The following ADGRG2 variants were observed in gnomAD, a reference collection of about 807,000 sequenced individuals.
ADGRG2 encodes G protein-coupled receptor 64.
A neutral mutation model predicts 74.1 loss-of-function variants in ADGRG2; 26 were observed. The observed-to-expected ratio is 0.35, with a 90% CI of 0.26 to 0.49. The LOEUF is 0.49. Among genes scored for constraint, ADGRG2 ranks in the 20% least tolerant of loss-of-function variants. The pLI is 0.99. For synonymous variants in ADGRG2, 296 were observed against 295.2 expected (o/e 1.00, Z -0.03); for missense variants, 619 against 763.1 (o/e 0.81, Z 2.22).
chrX:18,999,054 G>T lies in ADGRG2; in HGVS notation c.2556C>A (p.Ala852=). The part of the protein sequence containing the change: ...LGITWGFAFF[A]WGPVNVTFMY... Reference sequence around the variant, plus strand: ...TGAAGGTCACGTTAACTGGTCCCCAGGCAAAGAAGGCAAAGCCCCAAGTTA... The same window carrying T: ...TGAAGGTCACGTTAACTGGTCCCCATGCAAAGAAGGCAAAGCCCCAAGTTA... The change falls in exon 26 of 29, where the codon GCC becomes GCA. Residue 852 remains alanine, a synonymous_variant. Coordinates refer to ENST00000379869, the MANE Select transcript of ADGRG2 (RefSeq NM_001079858.3). 8.3e-7 allele frequency: 1 copy of T among 1,206,350 alleles called. No individual in the cohort carries two copies. Among genetic ancestry groups the T allele is most frequent in the Non-Finnish European group, 1.1e-6 (1 of 890,707 alleles).
intron 26 of ADGRG2, among the ~76,000 whole-genome samples, chrX:18,996,506 C>A (rs1322093248): frequency 9.1e-6 from 1 of 110,110 alleles, no homozygotes; most frequent in East Asian, 2.9e-4. Context: ...AGGCTCCTGC[C>A]TCTCCCTCCC....
chrX:19,112,179 C>T (rs947341534), intron 1 of ADGRG2, among the ~76,000 whole-genome samples: 3 of 110,350 alleles, frequency 2.7e-5, no homozygotes, highest in Non-Finnish European at 5.7e-5. Context: ...TCAAGTGATC[C>T]TAATACCTCA....
At chrX:19,045,427 C>A (rs1359583970) in intron 3 of ADGRG2, among the ~76,000 whole-genome samples, 1 of 108,291 alleles carries the variant, frequency 9.2e-6, no homozygotes, top group Non-Finnish European at 1.9e-5. Context: ...CCTGCCTCAG[C>A]CTCCCGAGTA....
intron 9 of ADGRG2, among the ~76,000 whole-genome samples, chrX:19,029,808 G>T (rs1347063371): frequency 1.8e-5 from 2 of 110,173 alleles, no homozygotes; most frequent in Non-Finnish European, 3.8e-5. Context: ...CAAAAATAAT[G>T]ACATTATGGG....
intron 3 of ADGRG2, among the ~76,000 whole-genome samples, chrX:19,043,847 C>G (rs1331587358): frequency 9.1e-6 from 1 of 109,468 alleles, no homozygotes; most frequent in Admixed American, 9.8e-5. Flanking sequence ...ATGTGAATGT[C>G]TTGCTGTCAT....
intron 2 of ADGRG2, among the ~76,000 whole-genome samples, chrX:19,080,422 G>A (rs188583680): frequency 2.7e-5 from 3 of 110,995 alleles, no homozygotes; most frequent in Admixed American, 1.9e-4. Flanking sequence ...CATAGGATTC[G>A]GGAGCATGCA....
At chrX:19,039,375 G>A (rs767993636) in intron 4 of ADGRG2, 49 of 317,329 alleles carry the variant, frequency 1.5e-4, no homozygotes, top group Non-Finnish European at 2.5e-4. Flanking sequence ...GAGAAGTATA[G>A]CTATTGTGAT....
intron 28 of ADGRG2, among the ~76,000 whole-genome samples, chrX:18,993,573 C>T (rs769700479): frequency 6.6e-5 from 7 of 106,024 alleles, no homozygotes; most frequent in Non-Finnish European, 1.2e-4. Flanking sequence ...CCCAGCTACT[C>T]GGGTGGCTGA....
intron 15 of ADGRG2, among the ~76,000 whole-genome samples, chrX:19,015,930 G>A (rs940284359): frequency 8.9e-6 from 1 of 112,230 alleles, no homozygotes; most frequent in Non-Finnish European, 1.9e-5. Context: ...CCCGTTCACT[G>A]GGCTCAACTG....
intron 1 of ADGRG2, among the ~76,000 whole-genome samples, chrX:19,107,468 GT>G (rs1267755658): frequency 8.9e-6 from 1 of 111,804 alleles, no homozygotes; most frequent in Admixed American, 9.5e-5. Context: ...GCATAATTTA[GT>G]TTTTTAACCC....
chrX:19,075,995 A>G (rs1387245971), intron 2 of ADGRG2, among the ~76,000 whole-genome samples: 2 of 112,320 alleles, frequency 1.8e-5, no homozygotes, highest in Non-Finnish European at 3.8e-5. Flanking sequence ...TCTAAGATAC[A>G]GATCAAGAGT....
At chrX:19,023,308 T>G (rs1315653026) in intron 13 of ADGRG2, 108 bp downstream of exon 13, 1 of 448,968 alleles carries the variant, frequency 2.2e-6, no homozygotes, top group Non-Finnish European at 3.8e-6. Flanking sequence ...TAATATGTAT[T>G]TATTTTAGAG....
chrX:19,047,971 G>A (rs1252790419), intron 3 of ADGRG2, among the ~76,000 whole-genome samples: 2 of 110,853 alleles, frequency 1.8e-5, no homozygotes, highest in Admixed American at 1.9e-4. Flanking sequence ...AAAAACTTCG[G>A]CTCTTAGCTG....
At chrX:19,075,961 GTGGCCAGGCCCA>G (rs1569128362) in intron 2 of ADGRG2, among the ~76,000 whole-genome samples, 1 of 112,373 alleles carries the variant, frequency 8.9e-6, no homozygotes, top group South Asian at 3.7e-4. Flanking sequence ...TGGTGGGTTT[GTGGCCAGGCCCA>G]TGGCTAACAT....
At chrX:19,080,805 C>T (rs1235780257) in intron 2 of ADGRG2, among the ~76,000 whole-genome samples, 6 of 110,469 alleles carry the variant, frequency 5.4e-5, no homozygotes, top group Non-Finnish European at 9.4e-5. Flanking sequence ...AAGCGATCCT[C>T]CTGCCTCAGG....
At chrX:19,066,445 CTTTTTTTTTTTT>C (rs1225489257) in intron 3 of ADGRG2, among the ~76,000 whole-genome samples, 23 of 39,941 alleles carry the variant, frequency 5.8e-4, no homozygotes, top group African/African-American at 2.2e-3. Flanking sequence ...GAGGATGCTT[CTTTTTTTTTTTT>C]TTTTTTTTTT....
At chrX:19,114,714 C>CA (rs1419475097) in intron 1 of ADGRG2, among the ~76,000 whole-genome samples, 1 of 111,397 alleles carries the variant, frequency 9.0e-6, no homozygotes, top group African/African-American at 3.3e-5. Flanking sequence ...CCCTGGGAGG[C>CA]AAAAATCACC....
chrX:19,096,369 G>A (rs981897968), intron 1 of ADGRG2, among the ~76,000 whole-genome samples: 4 of 104,008 alleles, frequency 3.8e-5, no homozygotes, highest in South Asian at 4.4e-4. Flanking sequence ...CCAAGATTGC[G>A]CCACTGTACT....
chrX:19,071,271 G>A (rs898965182), intron 2 of ADGRG2, among the ~76,000 whole-genome samples: 5 of 111,890 alleles, frequency 4.5e-5, no homozygotes, highest in Admixed American at 3.8e-4. Flanking sequence ...ATTGTATTAT[G>A]TATTAATGCT....
Sources: gnomAD v4.1 joint callset for allele counts (sites outside exome capture counted in the v4.1 genomes callset) on GRCh38, gnomAD v4.1.1 for gene constraint, MANE v1.5 for transcripts, NCBI Gene and HGNC (gene_info 2026-07-23, HGNC 2026-07-21) for gene names.